Variants in PAMR1 observed in about 807,000 individuals in gnomAD.
The protein encoded by PAMR1 is inactive serine protease PAMR1.
A neutral mutation model predicts 81.8 loss-of-function variants in PAMR1; 88 were observed. The ratio of observed to expected loss-of-function variants is 1.08; its 90% confidence interval spans 0.91 to 1.28. PAMR1 has a LOEUF of 1.28. Ranked by LOEUF, PAMR1 falls within the 50% of genes most tolerant of loss-of-function variation. PAMR1 has a pLI of 0.00. For synonymous variants in PAMR1, 336 were observed against 345.3 expected (o/e 0.97, Z 0.30); for missense variants, 935 against 919.7 (o/e 1.02, Z -0.21).
upstream of PAMR1, among the ~76,000 whole-genome samples, chr11:35,526,292 G>A (rs1337422601): frequency 6.6e-6 from 1 of 152,196 alleles, no homozygotes; most frequent in Non-Finnish European, 1.5e-5. Context: ...TGAGCTACTG[G>A]AAAAAGTTTT....
chr11:35,525,370 C>T (rs1851365868), intron 1 of PAMR1, 143 bp downstream of exon 1: 5 of 644,920 alleles, frequency 7.8e-6, no homozygotes, highest in Non-Finnish European at 1.4e-5. Context: ...ACTGGAAAAG[C>T]ACCACCCCCC....
rs1356617078 is a variant in PAMR1 at position 35,470,826 on chromosome 11, T to C, written c.495-8A>G. On this transcript the variant is annotated splice_region_variant and splice_polypyrimidine_tract_variant and intron_variant, in intron 4 of 10. Transcript: ENST00000619888. ...AGGCTCAACATGACAAATCTGTGGG[T>C]GGACAGGGTGACGGAGGGAAGCAGA... 3.7e-6 allele frequency: 6 copies of C among 1,607,862 alleles called. No homozygotes were observed. The East Asian group carries it at 1.3e-4, about 36-fold the overall frequency.
intron 1 of PAMR1, among the ~76,000 whole-genome samples, chr11:35,514,604 G>A (rs922859381): frequency 6.6e-6 from 1 of 152,146 alleles, no homozygotes; most frequent in African/African-American, 2.4e-5. Flanking sequence ...AGCTGCTTCT[G>A]GGTTATTTCA....
intron 6 of PAMR1, among the ~76,000 whole-genome samples, chr11:35,455,021 A>G (rs567139670): frequency 7.2e-5 from 11 of 152,316 alleles, no homozygotes; most frequent in African/African-American, 2.4e-4. Flanking sequence ...GGCACAGAGG[A>G]GGTCCCAAGA....
intron 3 of PAMR1, among the ~76,000 whole-genome samples, chr11:35,486,557 T>C (rs930440130): frequency 3.9e-5 from 6 of 152,224 alleles, no homozygotes; most frequent in Non-Finnish European, 7.3e-5. Context: ...CTGGTTGCTC[T>C]GAGCCAGTTC....
upstream of PAMR1, among the ~76,000 whole-genome samples, chr11:35,529,733 C>G (rs986349449): frequency 5.3e-5 from 8 of 152,058 alleles, no homozygotes; most frequent in Non-Finnish European, 8.8e-5. Context: ...CTGCTTGCTT[C>G]GGGGAGAATA....
Position 35,523,498 on chromosome 11 carries a change from C to T in PAMR1, c.73+2015G>A, listed in dbSNP as rs116696235. Among the ~76,000 whole-genome samples, 1,216 of 152,332 alleles carry T rather than the reference C, an allele frequency of 8.0e-3. 16 individuals are homozygous for T. Among genetic ancestry groups the T allele is most frequent in the African/African-American group, 0.028 (1,157 of 41,566 alleles). On this transcript the variant is annotated intron_variant, in intron 1 of 10. Coordinates refer to ENST00000619888, the MANE Select transcript of PAMR1 (RefSeq NM_001001991.3). ...TGTTTATGTTGGGTTATCGCTTGGCCTCATGTTTGGATTCTCATCCTCCCA... is the reference window on the plus strand; with the variant it reads ...TGTTTATGTTGGGTTATCGCTTGGCTTCATGTTTGGATTCTCATCCTCCCA...
chr11:35,432,854 GATGGGGTC>G lies in PAMR1; in HGVS notation c.1657_1664del (p.Asp553ProfsTer3), dbSNP rs1242085586. On this transcript the variant is annotated frameshift_variant, in exon 11 of 11. Transcript: ENST00000619888. LOFTEE classifies it high-confidence loss of function. ...GGATGGCGATGTCAGCATCAAGCAG[GATGGGGTC>G]ATAGTTGGGATGCAGAATGATAGCA... 3.1e-6 allele frequency: 5 copies of G among 1,597,062 alleles called. No individual in the cohort carries two copies. Among genetic ancestry groups the G allele is most frequent in the Admixed American group, 1.7e-5 (1 of 59,756 alleles).
chr11:35,470,843 G>A (rs372232556), intron 4 of PAMR1, 25 bp from the exon 5 acceptor site: 1 of 1,540,432 alleles, frequency 6.5e-7, no homozygotes, highest in Non-Finnish European at 9.0e-7. Context: ...GGTGACGGAG[G>A]GAAGCAGATG....
intron 1 of PAMR1, among the ~76,000 whole-genome samples, chr11:35,502,125 AGAT>A (rs1850858664): frequency 1.3e-5 from 2 of 152,146 alleles, no homozygotes; most frequent in South Asian, 2.1e-4. Context: ...AACTGGGTTG[AGAT>A]GATATCTCAT....
At position 35,434,794 on chromosome 11, in the gene PAMR1, T is replaced by G; in HGVS notation, c.1344A>C (p.Lys448Asn). The G allele has an allele frequency of 6.2e-7, 1 of 1,612,436 alleles. No individual in the cohort carries two copies. The highest frequency in any genetic ancestry group is 8.5e-7 in the Non-Finnish European group (1 of 1,178,612). Residue 448 changes from lysine (K) to asparagine (N), a missense_variant, in exon 10 of 11, where the codon AAA becomes AAC. Physicochemically the swap from Lys to Asn is moderately conservative, Grantham distance 94. Transcript: ENST00000619888. The stretch of plus-strand genomic sequence containing the variant: ...TCTTTGGAGCAGTGATGTTCTCAAT[T>G]TTCCCGCAGACTATGGAGAAAGTAC... The part of the protein sequence containing the change: ...RAPSCIPICG[K>N]IENITAPKTQ...
At chr11:35,434,234 A>G (rs775511063) in intron 10 of PAMR1, among the ~76,000 whole-genome samples, 14 of 152,062 alleles carry the variant, frequency 9.2e-5, no homozygotes, top group Non-Finnish European at 1.8e-4. Flanking sequence ...GGAGAAGTAC[A>G]TTTTACTCTT....
chr11:35,480,616 T>C (rs954083285), intron 3 of PAMR1, among the ~76,000 whole-genome samples: 2 of 152,230 alleles, frequency 1.3e-5, no homozygotes, highest in African/African-American at 4.8e-5. Flanking sequence ...TTCTTTTTTA[T>C]TGTATTTTTC....
intron 3 of PAMR1, among the ~76,000 whole-genome samples, chr11:35,486,145 T>A (rs1466216985): frequency 1.3e-5 from 2 of 152,226 alleles, no homozygotes; most frequent in African/African-American, 4.8e-5. Flanking sequence ...GATTGTAAAC[T>A]CATTGCGGAA....
At chr11:35,490,833 T>C (rs1300511071) in intron 3 of PAMR1, among the ~76,000 whole-genome samples, 3 of 152,224 alleles carry the variant, frequency 2.0e-5, no homozygotes, top group Non-Finnish European at 4.4e-5. Context: ...TCTCCTTTTT[T>C]ATAAAAGGAC....
intron 1 of PAMR1, among the ~76,000 whole-genome samples, chr11:35,497,436 AG>A (rs1850747920): frequency 6.6e-6 from 1 of 152,184 alleles, no homozygotes; most frequent in Non-Finnish European, 1.5e-5. Flanking sequence ...CTGAATGGAG[AG>A]GTGTTGCTTG....
At chr11:35,497,733 G>T (rs1850753472) in intron 1 of PAMR1, among the ~76,000 whole-genome samples, 1 of 152,084 alleles carries the variant, frequency 6.6e-6, no homozygotes, top group Non-Finnish European at 1.5e-5. Context: ...TCAATAAATA[G>T]TGATTGATCA....
At position 35,484,120 on chromosome 11, in the gene PAMR1, C is replaced by T. The variant is rs1210201035; in HGVS notation, c.379+7925G>A. ...CACTTACTATATACCAGACTCTATC[C>T]ACCATTTATTGAGCACTTACTATAT... On this transcript the variant is annotated intron_variant, in intron 3 of 10. Coordinates refer to ENST00000619888, the MANE Select transcript of PAMR1 (RefSeq NM_001001991.3). 2.6e-5 allele frequency among the ~76,000 whole-genome samples: 4 copies of T among 152,120 alleles called. No individual in the cohort carries two copies. The South Asian group carries it at 6.2e-4, about 24-fold the overall frequency.
intron 6 of PAMR1, among the ~76,000 whole-genome samples, chr11:35,457,373 A>G (rs573675222): frequency 1.1e-4 from 16 of 152,236 alleles, no homozygotes; most frequent in Admixed American, 3.9e-4. Context: ...ACTGAAGTCT[A>G]CACTATTGGA....
Sources: gnomAD v4.1 joint callset for allele counts (sites outside exome capture counted in the v4.1 genomes callset) on GRCh38, gnomAD v4.1.1 for gene constraint, MANE v1.5 for transcripts, NCBI Gene and HGNC (gene_info 2026-07-23, HGNC 2026-07-21) for gene names.